The following SLC44A1 variants were observed in gnomAD, a reference collection of about 807,000 sequenced individuals.
SLC44A1 encodes choline transporter-like protein 1.
Under a neutral mutation model 79.3 loss-of-function variants are expected in SLC44A1, and 26 were observed. The ratio of observed to expected loss-of-function variants is 0.33; its 90% CI spans 0.24 to 0.46. The LOEUF (loss-of-function observed/expected upper bound fraction) is 0.46, where lower values mean the gene tolerates loss of function less well. Among genes scored for constraint, SLC44A1 ranks in the 20% least tolerant of loss-of-function variants. SLC44A1 has a pLI of 1.00. For missense variants in SLC44A1, 688 were observed against 798.1 expected (o/e 0.86, Z 1.66); for synonymous variants, 263 against 286.2 (o/e 0.92, Z 0.82).
rs1478097660 is a variant in SLC44A1 at position 105,397,305 on chromosome 9, A to G, written c.*8249A>G. 3 of 978,904 alleles carry G rather than the reference A, an allele frequency of 3.1e-6. No individual in the cohort carries two copies. Among genetic ancestry groups the G allele is most frequent in the African/African-American group, 1.8e-5 (1 of 57,120 alleles). The allele number at this position is 978,904 out of a possible 1,614,324, so 60.6% of individuals were successfully genotyped here. A position where few individuals can be genotyped will look rare whatever the true frequency, so the allele number is the denominator to read the frequency against. ...AACTGTATTTTAGTCTAACAAATGT[A>G]TAGAATTTTTTATGTAATAAATAAA... On this transcript the variant is annotated 3_prime_UTR_variant, in exon 16 of 16. Transcript: ENST00000374720.
In SLC44A1 at chr9:105,381,388, A is replaced by G. The variant is rs369230993; in HGVS notation, c.1633-1735A>G. ...AACCCTGTCTCTACTAAAAAATACA[A>G]AAAAAAAAAAATTAGCCAGGTGTGG... On this transcript the variant is annotated intron_variant, in intron 13 of 15. Transcript: ENST00000374720. 3.3e-4 allele frequency among the ~76,000 whole-genome samples: 49 copies of G among 147,768 alleles called. 1 individual carries two copies. The South Asian group carries it at 9.8e-3, about 30-fold the overall frequency.
At chr9:105,431,572 A>T (rs1487576955) in intron 15 of SLC44A1, among the ~76,000 whole-genome samples, 4 of 152,218 alleles carry the variant, frequency 2.6e-5, no homozygotes, top group Non-Finnish European at 4.4e-5. Flanking sequence ...TAAGAGATTG[A>T]CAGCCTCCTC....
At chr9:105,247,111 T>A (rs904079301) in intron 1 of SLC44A1, among the ~76,000 whole-genome samples, 1 of 151,946 alleles carries the variant, frequency 6.6e-6, no homozygotes, top group Non-Finnish European at 1.5e-5. Flanking sequence ...TTTTTCTTAT[T>A]TGAGATTTTT....
chr9:105,435,056 A>C (rs558652206), intron 15 of SLC44A1, among the ~76,000 whole-genome samples: 1 of 152,194 alleles, frequency 6.6e-6, no homozygotes, highest in South Asian at 2.1e-4. Context: ...CTGAGGTGGG[A>C]GGATCCATTG....
chr9:105,333,035 T>TCTGA (rs1468388934), intron 3 of SLC44A1, among the ~76,000 whole-genome samples: 3 of 152,182 alleles, frequency 2.0e-5, no homozygotes, highest in South Asian at 2.1e-4. Flanking sequence ...TTCACATTGG[T>TCTGA]CTGACTAAAG....
chr9:105,402,437 T>G (rs1161124265), intron 15 of SLC44A1, among the ~76,000 whole-genome samples: 6 of 152,194 alleles, frequency 3.9e-5, no homozygotes, highest in Non-Finnish European at 5.9e-5. Context: ...GATGGGGGCT[T>G]TTGCCAGATG....
chr9:105,299,634 T>G, intron 2 of SLC44A1: 1 of 305,408 alleles, frequency 3.3e-6, no homozygotes, highest in Non-Finnish European at 5.1e-6. Flanking sequence ...CACCAACTTG[T>G]TGGTTATCTT....
chr9:105,433,984 G>C (rs1455052840), intron 15 of SLC44A1, among the ~76,000 whole-genome samples: 1 of 152,118 alleles, frequency 6.6e-6, no homozygotes, highest in Non-Finnish European at 1.5e-5. Context: ...CAGACTATAA[G>C]GTAGAAGAAA....
chr9:105,401,326 T>C (rs1302860294), downstream of SLC44A1, among the ~76,000 whole-genome samples: 1 of 152,188 alleles, frequency 6.6e-6, no homozygotes, highest in Non-Finnish European at 1.5e-5. Flanking sequence ...AATAAAATGA[T>C]AGTAACTAAA....
chr9:105,313,984 G>A (rs6479308), intron 3 of SLC44A1, among the ~76,000 whole-genome samples: 6,995 of 151,912 alleles, frequency 0.046, 544 homozygotes, highest in African/African-American at 0.16. Context: ...GGCTGGTCTC[G>A]AACTCCTGAG....
intron 1 of SLC44A1, among the ~76,000 whole-genome samples, chr9:105,245,858 A>C (rs948808778): frequency 6.6e-6 from 1 of 152,326 alleles, no homozygotes; most frequent in South Asian, 2.1e-4. Flanking sequence ...ATCAAATGTA[A>C]TAGAACTCGA....
chr9:105,368,217 A>G (rs6479314), intron 12 of SLC44A1, among the ~76,000 whole-genome samples: 31,328 of 146,786 alleles, frequency 0.21, 5,081 homozygotes, highest in African/African-American at 0.46. Context: ...TTTTTTACAG[A>G]TTTTGTCCAT....
At chr9:105,435,985 G>A (rs1490275814) in intron 15 of SLC44A1, among the ~76,000 whole-genome samples, 2 of 152,212 alleles carry the variant, frequency 1.3e-5, no homozygotes, top group African/African-American at 4.8e-5. Context: ...ACCACCTGAG[G>A]TCAGGAGTTT....
At chr9:105,282,085 T>C (rs889030772) in intron 1 of SLC44A1, among the ~76,000 whole-genome samples, 3 of 152,222 alleles carry the variant, frequency 2.0e-5, no homozygotes, top group Non-Finnish European at 1.5e-5. Flanking sequence ...GCCGTAATTG[T>C]ATACAAACCA....
intron 4 of SLC44A1, among the ~76,000 whole-genome samples, chr9:105,347,742 A>G (rs185691657): frequency 7.3e-4 from 111 of 152,200 alleles, no homozygotes; most frequent in Non-Finnish European, 1.2e-3. Flanking sequence ...ACTTTTATCA[A>G]TTTATCAGTT....
At chr9:105,380,285 T>C (rs537681120) in intron 13 of SLC44A1, among the ~76,000 whole-genome samples, 16 of 152,342 alleles carry the variant, frequency 1.1e-4, no homozygotes, top group African/African-American at 3.8e-4. Flanking sequence ...TCCCACATCC[T>C]ACCTAAAGCA....
intron 1 of SLC44A1, among the ~76,000 whole-genome samples, chr9:105,276,509 G>A (rs915587411): frequency 1.3e-5 from 2 of 151,268 alleles, no homozygotes; most frequent in African/African-American, 4.9e-5. Context: ...CAGTATAGCA[G>A]ATGAAGATAT....
In SLC44A1 at chr9:105,389,216, A is replaced by G. The variant is rs1005275679; in HGVS notation, c.*160A>G. 2.3e-6 allele frequency: 3 copies of G among 1,329,148 alleles called. No individual in the cohort carries two copies. Among genetic ancestry groups the G allele is most frequent in the Admixed American group, 2.8e-5 (1 of 35,164 alleles). The allele number at this position is 1,329,148 out of a possible 1,614,324, so 82.3% of individuals were successfully genotyped here. ...ACATAAATCAGCCAAAATCAGAGAA[A>G]AGGAACAGGGATTTAATACCTTTTT... On this transcript the variant is annotated 3_prime_UTR_variant, in exon 16 of 16. Coordinates refer to ENST00000374720, the MANE Select transcript of SLC44A1 (RefSeq NM_080546.5).
chr9:105,345,131 T>C (rs1018004841), intron 4 of SLC44A1, among the ~76,000 whole-genome samples: 2 of 152,174 alleles, frequency 1.3e-5, no homozygotes, highest in African/African-American at 2.4e-5. Flanking sequence ...ATATGACTAA[T>C]CTGCATTGTA....
Sources: allele counts gnomAD v4.1 joint callset (sites outside exome capture counted in the v4.1 genomes callset), GRCh38; gene constraint gnomAD v4.1.1; transcripts MANE v1.5; gene names NCBI Gene and HGNC (gene_info 2026-07-23, HGNC 2026-07-21).